GBE1: variants seen among roughly 807,000 people sequenced by gnomAD.
GBE1 encodes 1,4-alpha-glucan branching enzyme 1.
A neutral mutation model predicts 88.8 loss-of-function variants in GBE1; 70 were observed. The observed-to-expected ratio is 0.79, with a 90% CI of 0.65 to 0.96. GBE1 has a LOEUF of 0.96. GBE1 is among the 40% of genes least tolerant of loss of function. The probability of loss-of-function intolerance (pLI) is 0.00; values close to 1 mark genes in which losing one functional copy is unlikely to be tolerated. For synonymous variants in GBE1, 284 were observed against 300.1 expected, an observed-to-expected ratio of 0.95 and a Z score of 0.56; for missense variants, 872 against 871.0, an observed-to-expected ratio of 1.00 and a Z score of -0.01.
intron 1 of GBE1, among the ~76,000 whole-genome samples, chr3:81,745,986 T>A (rs1706415156): frequency 6.6e-6 from 1 of 152,168 alleles, no homozygotes; most frequent in Non-Finnish European, 1.5e-5. Flanking sequence ...AAAGGCTAAT[T>A]TCATTTAGAT....
chr3:81,560,599 A>C (rs1703403462), intron 12 of GBE1, among the ~76,000 whole-genome samples: 1 of 151,986 alleles, frequency 6.6e-6, no homozygotes, highest in Non-Finnish European at 1.5e-5. Context: ...TTGTCATTTC[A>C]TCTCTTCACC....
chr3:81,647,468 TA>T (rs1258055781), intron 5 of GBE1, among the ~76,000 whole-genome samples: 2 of 152,062 alleles, frequency 1.3e-5, no homozygotes, highest in Non-Finnish European at 2.9e-5. Flanking sequence ...TCCGTAACAT[TA>T]AAAAAATTCT....
At chr3:81,494,351 T>C (rs9861355) in intron 15 of GBE1, among the ~76,000 whole-genome samples, 1 of 152,024 alleles carries the variant, frequency 6.6e-6, no homozygotes, top group Non-Finnish European at 1.5e-5. Context: ...CAATTTGGGG[T>C]TCCTAAAATT....
chr3:81,637,807 G>A lies in GBE1; in HGVS notation c.992+4974C>T, dbSNP rs556049588. Among the ~76,000 whole-genome samples, 4 of 152,046 alleles carry A rather than the reference G, an allele frequency of 2.6e-5. No homozygotes were observed. In the East Asian group the frequency reaches 7.7e-4, roughly 29 times the overall value. The stretch of plus-strand genomic sequence containing the variant: ...TATACTGATGCATAATAACCCTCAA[G>A]TTAATATTTATCATTGAGAACTGAT... On this transcript the variant is annotated intron_variant, in intron 7 of 15. Transcript: ENST00000429644.
At chr3:81,630,323 C>T (rs1004401018) in intron 7 of GBE1, among the ~76,000 whole-genome samples, 1 of 152,068 alleles carries the variant, frequency 6.6e-6, no homozygotes. Context: ...GAATCAATAT[C>T]GTGAAAATGG....
chr3:81,566,407 A>C (rs1477716378), intron 12 of GBE1, among the ~76,000 whole-genome samples: 2 of 152,182 alleles, frequency 1.3e-5, no homozygotes, highest in Admixed American at 6.6e-5. Flanking sequence ...GTTCTTTAAT[A>C]TGTTAGTTAT....
At chr3:81,748,768 G>A (rs1272377060) in intron 1 of GBE1, among the ~76,000 whole-genome samples, 1 of 151,968 alleles carries the variant, frequency 6.6e-6, no homozygotes, top group East Asian at 1.9e-4. Context: ...CAACACTTTG[G>A]GAGGCAGAGG....
intron 2 of GBE1, among the ~76,000 whole-genome samples, chr3:81,693,852 T>C (rs1705555226): frequency 6.6e-6 from 1 of 151,796 alleles, no homozygotes; most frequent in African/African-American, 2.4e-5. Context: ...TTTAACAGAG[T>C]AAGCACCTTA....
intron 14 of GBE1, among the ~76,000 whole-genome samples, chr3:81,510,546 T>C (rs535723670): frequency 1.3e-5 from 2 of 152,148 alleles, no homozygotes; most frequent in East Asian, 3.9e-4. Flanking sequence ...TCTGGGCACA[T>C]AGCCCATAAC....
At chr3:81,623,430 T>C (rs1386448477) in intron 7 of GBE1, among the ~76,000 whole-genome samples, 1 of 152,232 alleles carries the variant, frequency 6.6e-6, no homozygotes, top group East Asian at 1.9e-4. Context: ...ACACTGAATC[T>C]TTCTAGCTGG....
At chr3:81,574,104 A>G (rs961052217) in intron 12 of GBE1, among the ~76,000 whole-genome samples, 2 of 152,210 alleles carry the variant, frequency 1.3e-5, no homozygotes, top group African/African-American at 4.8e-5. Flanking sequence ...ATCACATAAC[A>G]TAAATTAGGA....
intron 3 of GBE1, among the ~76,000 whole-genome samples, chr3:81,664,216 T>G (rs554871116): frequency 1.3e-5 from 2 of 151,742 alleles, no homozygotes; most frequent in African/African-American, 2.4e-5. Flanking sequence ...TTATGAAAAA[T>G]AAGAAGAACA....
At chr3:81,615,971 T>C (rs879700599) in intron 7 of GBE1, among the ~76,000 whole-genome samples, 4 of 152,206 alleles carry the variant, frequency 2.6e-5, no homozygotes, top group Middle Eastern at 3.2e-3. Flanking sequence ...CTGATAGATA[T>C]GTAGTGATAT....
chr3:81,738,943 G>T (rs1030897717), intron 1 of GBE1, among the ~76,000 whole-genome samples: 1 of 152,160 alleles, frequency 6.6e-6, no homozygotes, highest in African/African-American at 2.4e-5. Flanking sequence ...CTGGAAGCTG[G>T]TTAGTCCAAG....
At chr3:81,581,314 ATTAT>A (rs1703727821) in intron 10 of GBE1, 39 bp from the exon 11 acceptor site, 1 of 1,116,770 alleles carries the variant, frequency 9.0e-7, no homozygotes, top group South Asian at 1.5e-5. Context: ...TGAGTAAAGC[ATTAT>A]TTTTCTTATT....
chr3:81,653,204 C>T (rs1378883335), intron 3 of GBE1, among the ~76,000 whole-genome samples: 1 of 152,074 alleles, frequency 6.6e-6, no homozygotes, highest in Non-Finnish European at 1.5e-5. Context: ...TGGCTCACAC[C>T]TACAATCTCA....
intron 1 of GBE1, among the ~76,000 whole-genome samples, chr3:81,760,817 TTGATCAA>T (rs1436035266): frequency 1.3e-5 from 2 of 152,066 alleles, no homozygotes; most frequent in Non-Finnish European, 2.9e-5. Context: ...GGAGAAAAAA[TTGATCAA>T]TGTAGGTGTA....
chr3:81,530,686 A>T (rs1423732882), intron 14 of GBE1, among the ~76,000 whole-genome samples: 1 of 151,844 alleles, frequency 6.6e-6, no homozygotes, highest in African/African-American at 2.4e-5. Context: ...CTCTCACTCT[A>T]TCCTGAGCTG....
intron 1 of GBE1, among the ~76,000 whole-genome samples, chr3:81,750,647 A>ATATATATACGTG (rs1559708864): frequency 6.2e-5 from 3 of 48,376 alleles, no homozygotes; most frequent in African/African-American, 3.4e-4. Flanking sequence ...ATATATATGT[A>ATATATATACGTG]TATATATATA....
Sources: allele counts gnomAD v4.1 joint callset (sites outside exome capture counted in the v4.1 genomes callset), GRCh38; gene constraint gnomAD v4.1.1; transcripts MANE v1.5; gene names NCBI Gene and HGNC (gene_info 2026-07-23, HGNC 2026-07-21).